The following RAB11FIP4 variants were observed in gnomAD, a reference collection of about 807,000 sequenced individuals.
RAB11FIP4 encodes rab11 family-interacting protein 4.
A neutral mutation model predicts 74.3 loss-of-function variants in RAB11FIP4; 23 were observed. That is an observed-to-expected ratio of 0.31 (90% CI 0.22 to 0.44). The LOEUF is 0.44. Among genes scored for constraint, RAB11FIP4 ranks in the 20% least tolerant of loss-of-function variants. RAB11FIP4 has a pLI of 1.00. For synonymous variants in RAB11FIP4, 360 were observed against 359.9 expected, an observed-to-expected ratio of 1.00 and a Z score of 0.00; for missense variants, 630 against 863.9, an observed-to-expected ratio of 0.73 and a Z score of 3.39.
intron 3 of RAB11FIP4, among the ~76,000 whole-genome samples, chr17:31,490,425 G>T (rs12936948): frequency 6.6e-6 from 1 of 152,010 alleles, no homozygotes; most frequent in African/African-American, 2.4e-5. Context: ...TAAGGAGGGG[G>T]TGAAGGGGGT....
intron 3 of RAB11FIP4, among the ~76,000 whole-genome samples, chr17:31,457,931 C>T (rs111653901): frequency 6.6e-6 from 1 of 152,154 alleles, no homozygotes; most frequent in Admixed American, 6.5e-5. Context: ...ATTCTCAACA[C>T]AGGGAACCTT....
At chr17:31,460,880 AC>A (rs2071627313) in intron 3 of RAB11FIP4, among the ~76,000 whole-genome samples, 1 of 152,102 alleles carries the variant, frequency 6.6e-6, no homozygotes, top group Non-Finnish European at 1.5e-5. Context: ...GCAGGTGTGC[AC>A]CACCACGCCC....
At chr17:31,527,429 C>T (rs1007043096) in intron 10 of RAB11FIP4, 1 of 159,294 alleles carries the variant, frequency 6.3e-6, no homozygotes, top group Non-Finnish European at 1.4e-5. Context: ...TGGCAAAACC[C>T]GTCTCTACTA....
chr17:31,488,838 C>T (rs756208320), intron 3 of RAB11FIP4, among the ~76,000 whole-genome samples: 14 of 152,200 alleles, frequency 9.2e-5, no homozygotes, highest in Admixed American at 2.6e-4. Flanking sequence ...CGGTCTGGCC[C>T]GGTGGTGGGA....
Position 31,446,463 on chromosome 17 carries a change from T to C in RAB11FIP4, c.336+12341T>C, listed in dbSNP as rs565681856. 5.3e-5 allele frequency among the ~76,000 whole-genome samples: 8 copies of C among 152,232 alleles called. No individual in the cohort carries two copies. In the East Asian group the frequency reaches 9.7e-4, roughly 18 times the overall value. The stretch of plus-strand genomic sequence containing the variant: ...GGCTCCAGGAACACGCCATGGGCCA[T>C]TGAACGTCTGTGCGATGGGTAACGT... On this transcript the variant is annotated intron_variant, in intron 3 of 14. Coordinates refer to ENST00000621161, the MANE Select transcript of RAB11FIP4 (RefSeq NM_032932.6).
At chr17:31,527,683 C>T (rs964145771) in intron 10 of RAB11FIP4, 159 bp from the exon 11 acceptor site, 10 of 571,564 alleles carry the variant, frequency 1.7e-5, no homozygotes, top group African/African-American at 5.8e-5. Flanking sequence ...AGGAAGCTCA[C>T]GGCTAAATTG....
chr17:31,428,544 G>C (rs739876), intron 1 of RAB11FIP4, among the ~76,000 whole-genome samples: 1,696 of 152,174 alleles, frequency 0.011, 32 homozygotes, highest in African/African-American at 0.038. Context: ...TGATTATTAG[G>C]GGGAGCGGCA....
chr17:31,440,141 C>T (rs1396545679), intron 3 of RAB11FIP4, among the ~76,000 whole-genome samples: 7 of 152,110 alleles, frequency 4.6e-5, no homozygotes, highest in African/African-American at 1.7e-4. Flanking sequence ...TTTTCAGATA[C>T]TTTTGAGAAA....
At chr17:31,528,895 T>C (rs772485776) in intron 13 of RAB11FIP4, 117 bp downstream of exon 13, 21 of 1,195,048 alleles carry the variant, frequency 1.8e-5, no homozygotes, top group Non-Finnish European at 2.4e-5. Context: ...GCCTGTCTGC[T>C]TCTCAGCAAC....
intron 13 of RAB11FIP4, 128 bp downstream of exon 13, chr17:31,528,906 C>T: frequency 1.8e-6 from 2 of 1,098,092 alleles, no homozygotes; most frequent in Admixed American, 2.7e-5. Context: ...TCTCAGCAAC[C>T]TGTTTGCCAG....
chr17:31,414,253 A>T (rs576301579), intron 1 of RAB11FIP4, among the ~76,000 whole-genome samples: 1 of 152,180 alleles, frequency 6.6e-6, no homozygotes, highest in Non-Finnish European at 1.5e-5. Flanking sequence ...AGTCACCTAC[A>T]CACTTTTATG....
Position 31,525,035 on chromosome 17 carries a change from G to T in RAB11FIP4, c.1134-55G>T, listed in dbSNP as rs878938597. 72 of 1,548,756 alleles carry T rather than the reference G, an allele frequency of 4.6e-5. No homozygotes were observed. In the South Asian group the frequency reaches 8.1e-4, roughly 17 times the overall value. On this transcript the variant is annotated intron_variant, in intron 9 of 14. Coordinates refer to ENST00000621161, the MANE Select transcript of RAB11FIP4 (RefSeq NM_032932.6). ...CCCAGGGTCCCCCGTGCCACAGCCT[G>T]GGTTGGGGTGAAATGGTGCAGGCCC...
chr17:31,468,257 C>T (rs903572938), intron 3 of RAB11FIP4, among the ~76,000 whole-genome samples: 2 of 152,154 alleles, frequency 1.3e-5, no homozygotes, highest in African/African-American at 4.8e-5. Context: ...TTCCTCGCTT[C>T]CTCTGCTCAG....
At chr17:31,422,604 C>G (rs2071210508) in intron 1 of RAB11FIP4, among the ~76,000 whole-genome samples, 1 of 152,076 alleles carries the variant, frequency 6.6e-6, no homozygotes, top group Admixed American at 6.5e-5. Flanking sequence ...TGTCTGAATC[C>G]TTGGTAATTT....
At chr17:31,424,953 G>A (rs2151625156) in intron 1 of RAB11FIP4, among the ~76,000 whole-genome samples, 2 of 152,296 alleles carry the variant, frequency 1.3e-5, no homozygotes, top group East Asian at 3.9e-4. Context: ...TTAAAAGAGA[G>A]CAGAATACAG....
chr17:31,535,516 G>A lies in RAB11FIP4; in HGVS notation c.*3784G>A, dbSNP rs1372095660. 3 of 152,276 alleles carry A rather than the reference G, an allele frequency of 2.0e-5. No homozygotes were observed. Among genetic ancestry groups the A allele is most frequent in the Admixed American group, 6.5e-5 (1 of 15,290 alleles). The allele number at this position is 152,276 out of a possible 1,614,324, so 9.4% of individuals were successfully genotyped here. A position where few individuals can be genotyped will look rare whatever the true frequency, so the allele number is the denominator to read the frequency against. Reference sequence around the variant, plus strand: ...GCAAGGTCGTTGGCCAGAGGTAGAGGAAACTGGTCAAAGTGGCTGTTGGGC... The same window carrying A: ...GCAAGGTCGTTGGCCAGAGGTAGAGAAAACTGGTCAAAGTGGCTGTTGGGC... On this transcript the variant is annotated 3_prime_UTR_variant, in exon 15 of 15. Coordinates refer to ENST00000621161, the MANE Select transcript of RAB11FIP4 (RefSeq NM_032932.6).
chr17:31,434,948 T>C (rs2071344481), intron 3 of RAB11FIP4, among the ~76,000 whole-genome samples: 1 of 152,166 alleles, frequency 6.6e-6, no homozygotes, highest in Admixed American at 6.5e-5. Flanking sequence ...CACTTTGGGA[T>C]GCTGAGGCAG....
At chr17:31,517,603 C>A in intron 3 of RAB11FIP4, 48 bp from the exon 4 acceptor site, 5 of 1,527,482 alleles carry the variant, frequency 3.3e-6, no homozygotes, top group Non-Finnish European at 4.4e-6. Context: ...AACACTGAGC[C>A]CTGGGAAGCT....
chr17:31,474,572 G>C (rs1242959668), intron 3 of RAB11FIP4, among the ~76,000 whole-genome samples: 1 of 151,978 alleles, frequency 6.6e-6, no homozygotes, highest in Non-Finnish European at 1.5e-5. Flanking sequence ...TCGGGGCTGA[G>C]GCAGGAGATT....
Sources: gnomAD v4.1 joint callset for allele counts (sites outside exome capture counted in the v4.1 genomes callset) on GRCh38, gnomAD v4.1.1 for gene constraint, MANE v1.5 for transcripts, NCBI Gene and HGNC (gene_info 2026-07-23, HGNC 2026-07-21) for gene names.